The following LUZP2 variants were observed in gnomAD, a reference collection of about 807,000 sequenced individuals.
LUZP2 encodes leucine zipper protein 2.
Under a neutral mutation model 51.6 loss-of-function variants are expected in LUZP2, and 52 were observed. That is an observed-to-expected ratio of 1.01 (90% CI 0.81 to 1.27). LUZP2 has a LOEUF of 1.27. Ranked by LOEUF, LUZP2 falls within the 50% of genes most tolerant of loss-of-function variation. The pLI is 0.00. For missense variants in LUZP2, 436 were observed against 395.4 expected, an observed-to-expected ratio of 1.10 and a Z score of -0.87; for synonymous variants, 154 against 137.3, an observed-to-expected ratio of 1.12 and a Z score of -0.85.
chr11:24,897,758 T>C (rs1254039261), intron 5 of LUZP2, among the ~76,000 whole-genome samples: 1 of 152,198 alleles, frequency 6.6e-6, no homozygotes, highest in Non-Finnish European at 1.5e-5. Context: ...TGGTTGCTTG[T>C]ATGACTTGTT....
chr11:24,542,878 T>A (rs951405596), intron 1 of LUZP2, among the ~76,000 whole-genome samples: 9 of 151,756 alleles, frequency 5.9e-5, no homozygotes, highest in African/African-American at 9.7e-5. Flanking sequence ...TTATGGGGTT[T>A]GTTTTCTTTG....
At chr11:25,062,711 C>G (rs553928734) in intron 10 of LUZP2, among the ~76,000 whole-genome samples, 1 of 149,986 alleles carries the variant, frequency 6.7e-6, no homozygotes, top group Non-Finnish European at 1.5e-5. Context: ...TTTGACAATA[C>G]CGAGTTTAAT....
intron 1 of LUZP2, among the ~76,000 whole-genome samples, chr11:24,619,060 G>A (rs1854401352): frequency 6.6e-6 from 1 of 151,144 alleles, no homozygotes; most frequent in Admixed American, 6.6e-5. Flanking sequence ...GATAGGTCTT[G>A]CTTTTTTACC....
intron 5 of LUZP2, among the ~76,000 whole-genome samples, chr11:24,904,723 A>G (rs1170970706): frequency 6.6e-6 from 1 of 152,088 alleles, no homozygotes; most frequent in Non-Finnish European, 1.5e-5. Flanking sequence ...TCTTCACTGT[A>G]TTGTTTTCTT....
intron 1 of LUZP2, among the ~76,000 whole-genome samples, chr11:24,605,961 C>T (rs1270057503): frequency 6.6e-6 from 1 of 151,680 alleles, no homozygotes; most frequent in Non-Finnish European, 1.5e-5. Context: ...CTGTATTAGT[C>T]TTTATATGTC....
chr11:24,914,422 C>T, intron 6 of LUZP2, 54 bp from the exon 7 acceptor site: 1 of 1,307,542 alleles, frequency 7.6e-7, no homozygotes, highest in Non-Finnish European at 1.1e-6. Context: ...TTTTAATCTT[C>T]AAGTTTGAAA....
intron 1 of LUZP2, among the ~76,000 whole-genome samples, chr11:24,707,957 T>C (rs1029850010): frequency 6.6e-6 from 1 of 152,058 alleles, no homozygotes; most frequent in African/African-American, 2.4e-5. Context: ...CATTCCCCCA[T>C]TGGCTAGGGT....
At chr11:24,618,169 G>A (rs1854357944) in intron 1 of LUZP2, among the ~76,000 whole-genome samples, 1 of 151,992 alleles carries the variant, frequency 6.6e-6, no homozygotes, top group African/African-American at 2.4e-5. Flanking sequence ...TTAACCTCTG[G>A]GCAGTGATGA....
chr11:24,764,000 C>T (rs2134034713), intron 5 of LUZP2, among the ~76,000 whole-genome samples: 1 of 152,106 alleles, frequency 6.6e-6, no homozygotes, highest in East Asian at 1.9e-4. Context: ...TGGAAAATAT[C>T]AACATACCAG....
chr11:24,855,541 C>A (rs920170009), intron 5 of LUZP2, among the ~76,000 whole-genome samples: 2 of 152,124 alleles, frequency 1.3e-5, no homozygotes, highest in African/African-American at 4.8e-5. Context: ...CAATAGTGTA[C>A]AAAGCAATTT....
intron 1 of LUZP2, among the ~76,000 whole-genome samples, chr11:24,643,254 C>CA (rs570616833): frequency 0.053 from 4,023 of 75,598 alleles, 169 homozygotes; most frequent in African/African-American, 0.12. Flanking sequence ...ACTAAAAGTA[C>CA]AAAAAAAAAA....
intron 1 of LUZP2, among the ~76,000 whole-genome samples, chr11:24,566,912 T>C (rs1304803936): frequency 6.9e-4 from 2 of 2,884 alleles, no homozygotes; most frequent in Non-Finnish European, 1.4e-3. Flanking sequence ...GTTATATATA[T>C]ATATATGTAT....
At chr11:24,958,773 C>G (rs1467018819) in intron 7 of LUZP2, among the ~76,000 whole-genome samples, 1 of 152,146 alleles carries the variant, frequency 6.6e-6, no homozygotes, top group African/African-American at 2.4e-5. Context: ...TCCCATTTGT[C>G]AATTTTGGCT....
At chr11:24,951,314 C>G (rs1855073066) in intron 7 of LUZP2, among the ~76,000 whole-genome samples, 1 of 151,436 alleles carries the variant, frequency 6.6e-6, no homozygotes, top group Non-Finnish European at 1.5e-5. Flanking sequence ...ATAATACACT[C>G]AAATGTCAGC....
chr11:24,581,888 T>G (rs530189096), intron 1 of LUZP2, among the ~76,000 whole-genome samples: 106 of 152,204 alleles, frequency 7.0e-4, no homozygotes, highest in Non-Finnish European at 1.3e-3. Flanking sequence ...TGATTCACGT[T>G]CCCTGATAGT....
At chr11:24,919,949 A>C (rs2133813329) in intron 7 of LUZP2, among the ~76,000 whole-genome samples, 1 of 151,854 alleles carries the variant, frequency 6.6e-6, no homozygotes, top group Middle Eastern at 3.4e-3. Context: ...TAGCTAAGAA[A>C]TTTTATGAAT....
chr11:24,626,275 C>T (rs1265140068), intron 1 of LUZP2, among the ~76,000 whole-genome samples: 1 of 152,014 alleles, frequency 6.6e-6, no homozygotes, highest in Non-Finnish European at 1.5e-5. Context: ...CAGGGAAGAG[C>T]CTATATTGTC....
intron 5 of LUZP2, among the ~76,000 whole-genome samples, chr11:24,768,350 T>A (rs543055381): frequency 6.6e-6 from 1 of 152,252 alleles, no homozygotes; most frequent in South Asian, 2.1e-4. Context: ...CCTCAGGTGA[T>A]CCACCCGCCT....
At chr11:25,062,587 C>CAAA (rs1163708322) in intron 10 of LUZP2, among the ~76,000 whole-genome samples, 1,528 of 42,950 alleles carry the variant, frequency 0.036, 242 homozygotes, top group African/African-American at 0.048. Flanking sequence ...AAGACCCTGT[C>CAAA]AAAAAAAAAA....
Sources: allele counts gnomAD v4.1 joint callset (sites outside exome capture counted in the v4.1 genomes callset), GRCh38; gene constraint gnomAD v4.1.1; transcripts MANE v1.5; gene names NCBI Gene and HGNC (gene_info 2026-07-23, HGNC 2026-07-21).